DIS3L2: variants seen among roughly 807,000 people sequenced by gnomAD.
DIS3L2 encodes the protein DIS3-like exonuclease 2.
Under a neutral mutation model 97.5 loss-of-function variants are expected in DIS3L2, and 34 were observed. The ratio of observed to expected loss-of-function variants is 0.35; its 90% CI spans 0.27 to 0.46. DIS3L2 has a LOEUF of 0.46. Ranked by LOEUF, DIS3L2 falls within the 20% of genes least tolerant of loss-of-function variation. The probability of loss-of-function intolerance (pLI) is 1.00; values close to 1 mark genes in which losing one functional copy is unlikely to be tolerated. For missense variants in DIS3L2, 1,038 were observed against 1,146.0 expected (o/e 0.91, Z 1.36); for synonymous variants, 435 against 445.2 (o/e 0.98, Z 0.29).
At chr2:232,230,278 C>G (rs952798198) in intron 10 of DIS3L2, among the ~76,000 whole-genome samples, 1 of 152,224 alleles carries the variant, frequency 6.6e-6, no homozygotes, top group African/African-American at 2.4e-5. Flanking sequence ...CCAATTGAGT[C>G]TGTCTCCAAA....
intron 14 of DIS3L2, among the ~76,000 whole-genome samples, chr2:232,304,624 C>A (rs1368564102): frequency 6.6e-6 from 1 of 152,238 alleles, no homozygotes; most frequent in African/African-American, 2.4e-5. Flanking sequence ...CTCCTTCTCA[C>A]TGCCAGGACT....
intron 4 of DIS3L2, among the ~76,000 whole-genome samples, chr2:232,027,539 A>G (rs1328521071): frequency 6.6e-6 from 1 of 152,200 alleles, no homozygotes; most frequent in African/African-American, 2.4e-5. Context: ...ACAAAAATAG[A>G]GATTTGTTTA....
At chr2:232,119,114 A>G (rs1697816426) in intron 6 of DIS3L2, among the ~76,000 whole-genome samples, 1 of 152,126 alleles carries the variant, frequency 6.6e-6, no homozygotes, top group Non-Finnish European at 1.5e-5. Context: ...GGAGATGTTC[A>G]AGAGAATGAA....
chr2:231,996,864 T>A (rs1395764485), intron 1 of DIS3L2, among the ~76,000 whole-genome samples: 1 of 152,244 alleles, frequency 6.6e-6, no homozygotes, highest in Non-Finnish European at 1.5e-5. Flanking sequence ...TCATACTGTC[T>A]GTCTAGAAGG....
intron 5 of DIS3L2, among the ~76,000 whole-genome samples, chr2:232,086,625 A>T: frequency 9.9e-6 from 1 of 100,878 alleles, no homozygotes; most frequent in Non-Finnish European, 1.9e-5. Context: ...ATATATATAT[A>T]TATACACATA....
At chr2:232,263,156 C>A in intron 12 of DIS3L2, 51 bp from the exon 13 acceptor site, 1 of 1,583,274 alleles carries the variant, frequency 6.3e-7, no homozygotes, top group Non-Finnish European at 8.7e-7. Flanking sequence ...GAAGAAAAAC[C>A]TGAAAAACAT....
intron 10 of DIS3L2, among the ~76,000 whole-genome samples, chr2:232,221,910 C>G (rs1263867917): frequency 1.3e-5 from 2 of 151,212 alleles, no homozygotes; most frequent in African/African-American, 4.8e-5. Flanking sequence ...TGCTGTTACT[C>G]CTATGTTCCT....
intron 9 of DIS3L2, among the ~76,000 whole-genome samples, chr2:232,190,253 G>A (rs1691573219): frequency 1.3e-5 from 2 of 152,102 alleles, no homozygotes; most frequent in African/African-American, 4.8e-5. Context: ...AGGATCACCT[G>A]AGCCCAGAAG....
intron 9 of DIS3L2, among the ~76,000 whole-genome samples, chr2:232,167,938 G>A (rs954383105): frequency 1.3e-5 from 2 of 152,004 alleles, no homozygotes; most frequent in Admixed American, 6.6e-5. Flanking sequence ...AATCCCAGCT[G>A]CTCGGGAGGC....
intron 5 of DIS3L2, among the ~76,000 whole-genome samples, chr2:232,054,999 G>A (rs1425410125): frequency 2.0e-5 from 3 of 152,082 alleles, no homozygotes; most frequent in East Asian, 3.8e-4. Context: ...CAGAAGAAAG[G>A]AAAAATCTAT....
chr2:232,332,716 G>GTGTC (rs751175012), intron 16 of DIS3L2, among the ~76,000 whole-genome samples: 7 of 152,310 alleles, frequency 4.6e-5, no homozygotes, highest in Non-Finnish European at 8.8e-5. Flanking sequence ...GGAGGGTCAG[G>GTGTC]TGTCAGAGAC....
intron 8 of DIS3L2, among the ~76,000 whole-genome samples, chr2:232,140,040 C>G (rs1393317850): frequency 6.6e-6 from 1 of 152,178 alleles, no homozygotes; most frequent in African/African-American, 2.4e-5. Flanking sequence ...TGGGAGCCAT[C>G]TCAGTTCCTT....
Position 232,130,727 on chromosome 2 carries a change from C to T in DIS3L2, c.702+8C>T, listed in dbSNP as rs1489314789. The T allele has an allele frequency of 1.2e-6, 2 of 1,613,366 alleles. No homozygotes were observed. The highest frequency in any genetic ancestry group is 3.3e-5 in the Admixed American group (2 of 59,898). On this transcript the variant is annotated splice_region_variant and intron_variant, in intron 7 of 20. Coordinates refer to ENST00000325385, the MANE Select transcript of DIS3L2 (RefSeq NM_152383.5). ...CTGCAAAGATCAGCAAAGGTCATTG[C>T]CTACAGATTTTCTCCACGTGTCCAA...
At chr2:232,135,310 G>T (rs1276891876) in intron 7 of DIS3L2, among the ~76,000 whole-genome samples, 1 of 152,182 alleles carries the variant, frequency 6.6e-6, no homozygotes, top group Non-Finnish European at 1.5e-5. Flanking sequence ...GCACATACAT[G>T]CATGAGGCTG....
At chr2:232,084,524 T>G (rs917763708) in intron 5 of DIS3L2, among the ~76,000 whole-genome samples, 2 of 152,220 alleles carry the variant, frequency 1.3e-5, no homozygotes, top group Non-Finnish European at 2.9e-5. Flanking sequence ...ATCAGTGCCC[T>G]AGCTGTAGCT....
chr2:232,264,965 CAA>C (rs748368062), intron 13 of DIS3L2, among the ~76,000 whole-genome samples: 13 of 152,186 alleles, frequency 8.5e-5, no homozygotes, highest in Non-Finnish European at 1.5e-4. Context: ...GACAGGGAGA[CAA>C]GAGGCAGAGC....
intron 9 of DIS3L2, among the ~76,000 whole-genome samples, chr2:232,168,074 T>C (rs557244993): frequency 6.6e-6 from 1 of 152,128 alleles, no homozygotes; most frequent in Non-Finnish European, 1.5e-5. Flanking sequence ...ATAAAAATAA[T>C]TCTATTAGGA....
At chr2:232,060,054 A>G (rs1254135281) in intron 5 of DIS3L2, among the ~76,000 whole-genome samples, 3 of 152,106 alleles carry the variant, frequency 2.0e-5, no homozygotes, top group Non-Finnish European at 4.4e-5. Flanking sequence ...AACTCCTTAT[A>G]CATTCTGGTT....
chr2:231,961,935 C>G (rs1258945776), intron 1 of DIS3L2, among the ~76,000 whole-genome samples, 170 bp downstream of exon 1: 1 of 152,232 alleles, frequency 6.6e-6, no homozygotes, highest in Non-Finnish European at 1.5e-5. Context: ...GCCCACGCGT[C>G]TTCCCTGTCC....
Sources: allele counts gnomAD v4.1 joint callset (sites outside exome capture counted in the v4.1 genomes callset), GRCh38; gene constraint gnomAD v4.1.1; transcripts MANE v1.5; gene names NCBI Gene and HGNC (gene_info 2026-07-23, HGNC 2026-07-21).